SMC3: variants seen among roughly 807,000 people sequenced by gnomAD.
SMC3 encodes structural maintenance of chromosomes 3, also known as structural maintenance of chromosomes protein 3.
In SMC3, 20 loss-of-function variants were observed where a neutral mutation model predicts 171.8. The observed-to-expected ratio is 0.12, with a 90% CI of 0.08 to 0.17. The LOEUF (loss-of-function observed/expected upper bound fraction) is 0.17, where lower values mean the gene tolerates loss of function less well. Among genes scored for constraint, SMC3 ranks in the 10% least tolerant of loss-of-function variants. SMC3 has a pLI of 1.00. For missense variants in SMC3, 543 were observed against 1,420.4 expected, an observed-to-expected ratio of 0.38 and a Z score of 9.93; for synonymous variants, 464 against 451.1, an observed-to-expected ratio of 1.03 and a Z score of -0.36.
rs1391232237 is a variant in SMC3, at chr10:110,591,030, G to A, written c.1710G>A (p.Thr570=). The A allele has an allele frequency of 1.9e-6, 3 of 1,612,942 alleles. No homozygotes were observed. Among genetic ancestry groups the A allele is most frequent in the Non-Finnish European group, 1.7e-6 (2 of 1,179,110 alleles). ...YHIVDSDEVS[T]KILMEFNKMN... ...TTGTTGATTCAGATGAAGTCAGCAC[G>A]AAGATTTTAATGGAGTTTAATAAAA... Residue 570 remains threonine, a synonymous_variant, in exon 17 of 29, where the codon ACG becomes ACA. Transcript: ENST00000361804.
At chr10:110,586,008 G>A (rs1035577868) in intron 13 of SMC3, among the ~76,000 whole-genome samples, 1 of 152,078 alleles carries the variant, frequency 6.6e-6, no homozygotes, top group African/African-American at 2.4e-5. Flanking sequence ...GTGTTAGCCA[G>A]GATGGTCTTG....
chr10:110,596,556 T>G lies in SMC3; in HGVS notation c.2116+6T>G. On this transcript the variant is annotated splice_donor_region_variant and intron_variant, in intron 19 of 28. Coordinates refer to ENST00000361804, the MANE Select transcript of SMC3 (RefSeq NM_005445.4). ...CCTGCGCAGAAATATTGAAAATATCTTTTTGTTTTGTGCATAGTGATAGAT... is the reference window on the plus strand; with the variant it reads ...CCTGCGCAGAAATATTGAAAATATCGTTTTGTTTTGTGCATAGTGATAGAT... 1 of 1,613,448 alleles carries G rather than the reference T, an allele frequency of 6.2e-7. No individual in the cohort carries two copies. Among genetic ancestry groups the G allele is most frequent in the Non-Finnish European group, 8.5e-7 (1 of 1,179,508 alleles).
At chr10:110,576,860 C>T (rs1313499388) in intron 4 of SMC3, among the ~76,000 whole-genome samples, 1 of 151,994 alleles carries the variant, frequency 6.6e-6, no homozygotes, top group Non-Finnish European at 1.5e-5. Flanking sequence ...AAATGTGACA[C>T]ATGTTAAATG....
At chr10:110,576,868 A>G (rs183558831) in intron 4 of SMC3, among the ~76,000 whole-genome samples, 1,610 of 152,294 alleles carry the variant, frequency 0.011, 25 homozygotes, top group Admixed American at 0.045. Context: ...CACATGTTAA[A>G]TGTGTATATT....
At chr10:110,594,408 T>A (rs187659390) in intron 18 of SMC3, among the ~76,000 whole-genome samples, 1 of 152,092 alleles carries the variant, frequency 6.6e-6, no homozygotes. Context: ...TACTGATACA[T>A]GTAAACAATA....
chr10:110,576,042 C>T (rs1365657449), intron 4 of SMC3, among the ~76,000 whole-genome samples: 1 of 152,144 alleles, frequency 6.6e-6, no homozygotes, highest in African/African-American at 2.4e-5. Flanking sequence ...AGATGTTCTG[C>T]AACTTACAGC....
chr10:110,585,849 G>A (rs1354525468), intron 13 of SMC3, among the ~76,000 whole-genome samples: 2 of 151,884 alleles, frequency 1.3e-5, no homozygotes, highest in East Asian at 3.9e-4. Flanking sequence ...CCAGGCTGGA[G>A]TGCAGTGGCG....
chr10:110,603,204 G>A lies in SMC3; in HGVS notation c.3496G>A (p.Val1166Ile). ...TACAGATATGATTATGGAACTTGCT[G>A]TACATGCTCAGTTTATTACAACTAC... ...AVSDMIMELA[V>I]HAQFITTTFR... The change falls in exon 28 of 29, where the codon GTA (valine) becomes ATA (isoleucine). Residue 1166 changes from valine (V) to isoleucine (I), a missense_variant. Transcript: ENST00000361804. 6.2e-7 allele frequency: 1 copy of A among 1,607,102 alleles called. No individual in the cohort carries two copies. The highest frequency in any genetic ancestry group is 1.1e-5 in the South Asian group (1 of 90,910).
intron 17 of SMC3, among the ~76,000 whole-genome samples, chr10:110,592,293 G>A (rs1383208837): frequency 6.6e-6 from 1 of 151,772 alleles, no homozygotes; most frequent in South Asian, 2.1e-4. Context: ...ATAGAACTGG[G>A]AAGTGCAAGG....
At position 110,584,349 on chromosome 10, in the gene SMC3, T is replaced by C. The variant is rs780236956; in HGVS notation, c.1258T>C (p.Leu420=). The C allele has an allele frequency of 1.9e-6, 3 of 1,613,978 alleles. No homozygotes were observed. Among genetic ancestry groups the C allele is most frequent in the Admixed American group, 1.7e-5 (1 of 60,012 alleles). ...ACAGATTGCTGCTATACATAAGGAT[T>C]TGGAAGACACTGAAGCAAATAAAGA... ...KRQIAAIHKD[L]EDTEANKEKN... is the part of the protein sequence containing the mutation. The change falls in exon 13 of 29, where the codon TTG becomes CTG. Residue 420 remains leucine (L), a synonymous_variant. Transcript: ENST00000361804.
chr10:110,584,864 A>G (rs765032708), intron 13 of SMC3, among the ~76,000 whole-genome samples: 7 of 152,192 alleles, frequency 4.6e-5, no homozygotes, highest in East Asian at 1.9e-4. Context: ...GGCTTAAGCA[A>G]TCCTCCGACC....
chr10:110,593,708 G>T (rs140731371), intron 18 of SMC3, among the ~76,000 whole-genome samples: 1 of 151,884 alleles, frequency 6.6e-6, no homozygotes, highest in East Asian at 1.9e-4. Context: ...CTTTGGCCGG[G>T]CATGGTGGCT....
chr10:110,591,171 A>T (rs1410356869), intron 17 of SMC3, 39 bp downstream of exon 17: 1 of 1,595,932 alleles, frequency 6.3e-7, no homozygotes, highest in East Asian at 2.2e-5. Context: ...CTCTTTTATA[A>T]TGTTATTTTT....
intron 10 of SMC3, among the ~76,000 whole-genome samples, chr10:110,583,136 C>G (rs1861057298): frequency 1.3e-5 from 2 of 152,002 alleles, no homozygotes; most frequent in African/African-American, 4.8e-5. Flanking sequence ...AAGGAGTCCT[C>G]CCACCTGGGC....
In SMC3 at chr10:110,589,884, TTTA is replaced by T; in HGVS notation, c.1410-4_1410-2del. ...AAAATTAAAGACAGTCTACTTTTTA[TTTA>T]TTAGCTACTTGTGGAGAGAAGAGAA... On this transcript the variant is annotated splice_region_variant and splice_polypyrimidine_tract_variant and intron_variant, in intron 14 of 28. Coordinates refer to ENST00000361804, the MANE Select transcript of SMC3 (RefSeq NM_005445.4). 1 of 1,612,170 alleles carries T rather than the reference TTTA, an allele frequency of 6.2e-7. No individual in the cohort carries two copies. Among genetic ancestry groups the T allele is most frequent in the Non-Finnish European group, 8.5e-7 (1 of 1,178,458 alleles).
chr10:110,604,360 C>A lies in SMC3; in HGVS notation c.*58C>A. The A allele has an allele frequency of 8.1e-7, 1 of 1,235,434 alleles. No individual in the cohort carries two copies. The highest frequency in any genetic ancestry group is 1.2e-6 in the Non-Finnish European group (1 of 838,192). The allele number at this position is 1,235,434 out of a possible 1,614,324, so 76.5% of individuals were successfully genotyped here. On this transcript the variant is annotated 3_prime_UTR_variant, in exon 29 of 29. Coordinates refer to ENST00000361804, the MANE Select transcript of SMC3 (RefSeq NM_005445.4). ...TATATAGTAATATGATTCTCATACC[C>A]AGGAACTGTAAATTTAAACCTAAAT...
chr10:110,577,686 A>AGAGTATT, intron 5 of SMC3, 149 bp from the exon 6 acceptor site: 1 of 693,808 alleles, frequency 1.4e-6, no homozygotes, highest in Non-Finnish European at 2.5e-6. Flanking sequence ...GTCTTGGTTA[A>AGAGTATT]GAGTATTGAG....
At chr10:110,571,318 A>ATG (rs1230513612) in intron 2 of SMC3, among the ~76,000 whole-genome samples, 4 of 152,308 alleles carry the variant, frequency 2.6e-5, no homozygotes, top group East Asian at 3.9e-4. Context: ...AATGAAGAGA[A>ATG]AAGCTGGTCA....
intron 5 of SMC3, 27 bp downstream of exon 5, chr10:110,577,519 G>T (rs566007623): frequency 5.4e-6 from 8 of 1,481,306 alleles, no homozygotes; most frequent in Non-Finnish European, 6.6e-6. Context: ...TTAAAGTAAT[G>T]TTGAGAATTT....
Sources: allele counts gnomAD v4.1 joint callset (sites outside exome capture counted in the v4.1 genomes callset), GRCh38; gene constraint gnomAD v4.1.1; transcripts MANE v1.5; gene names NCBI Gene and HGNC (gene_info 2026-07-23, HGNC 2026-07-21).